The following LIN54 variants were observed in gnomAD, a reference collection of about 807,000 sequenced individuals.
LIN54 encodes the protein lin-54 DREAM MuvB core complex component, also known as protein lin-54 homolog.
In LIN54, 9 loss-of-function variants were observed where a neutral mutation model predicts 78.7. The observed-to-expected ratio is 0.11, with a 90% CI of 0.07 to 0.20. The LOEUF is 0.20. LIN54 is among the 10% of genes least tolerant of loss of function. The pLI is 1.00. For missense variants in LIN54, 573 were observed against 889.9 expected (o/e 0.64, Z 4.53); for synonymous variants, 269 against 318.4 (o/e 0.84, Z 1.65).
chr4:82,986,718 A>G (rs1727180552), intron 1 of LIN54, among the ~76,000 whole-genome samples: 1 of 151,610 alleles, frequency 6.6e-6, no homozygotes, highest in East Asian at 1.9e-4. Context: ...AAAAAAAAAA[A>G]AAAAAAAAGA....
At chr4:83,006,728 C>T (rs1729412349) in intron 1 of LIN54, among the ~76,000 whole-genome samples, 1 of 152,308 alleles carries the variant, frequency 6.6e-6, no homozygotes, top group East Asian at 1.9e-4. Context: ...CTGCACTACT[C>T]CCATTCTATT....
At chr4:82,970,636 A>G (rs1725568104) in intron 3 of LIN54, among the ~76,000 whole-genome samples, 167 bp from the exon 4 acceptor site, 1 of 152,240 alleles carries the variant, frequency 6.6e-6, no homozygotes, top group South Asian at 2.1e-4. Context: ...AGAACTAAAC[A>G]AAACACTACT....
Position 82,984,284 on chromosome 4 carries a change from G to A in LIN54, c.561C>T (p.Thr187=), listed in dbSNP as rs1373920512. Reference sequence around the variant, plus strand: ...GTTTCACCTCTGGCCTCCCTCCAATGGTAACTACTTTAATTTGCTGCGGTG... The same window carrying A: ...GTTTCACCTCTGGCCTCCCTCCAATAGTAACTACTTTAATTTGCTGCGGTG... ...KLPPQQIKVV[T]IGGRPEVKPV... The change falls in exon 2 of 13, where the codon ACC becomes ACT. Residue 187 remains threonine, a synonymous_variant. Transcript: ENST00000340417. 3.7e-6 allele frequency: 6 copies of A among 1,614,000 alleles called. No individual in the cohort carries two copies. Among genetic ancestry groups the A allele is most frequent in the Middle Eastern group, 1.6e-4 (1 of 6,082 alleles).
intron 4 of LIN54, among the ~76,000 whole-genome samples, chr4:82,954,746 C>T (rs1724146767): frequency 6.6e-6 from 1 of 152,092 alleles, no homozygotes; most frequent in South Asian, 2.1e-4. Flanking sequence ...AACAAAGCAC[C>T]AGAAGCAATT....
intron 1 of LIN54, among the ~76,000 whole-genome samples, chr4:82,991,567 A>C (rs1162245936): frequency 6.6e-6 from 1 of 152,178 alleles, no homozygotes; most frequent in Non-Finnish European, 1.5e-5. Context: ...ATGTTGACTA[A>C]AAGTGGTGAC....
chr4:82,932,856 T>G (rs1722083184), intron 11 of LIN54, among the ~76,000 whole-genome samples: 1 of 151,972 alleles, frequency 6.6e-6, no homozygotes, highest in Non-Finnish European at 1.5e-5. Flanking sequence ...AATCTGATGG[T>G]GGGGATGATA....
intron 1 of LIN54, among the ~76,000 whole-genome samples, chr4:83,007,275 A>G (rs150144440): frequency 0.012 from 1,828 of 152,318 alleles, 35 homozygotes; most frequent in African/African-American, 0.041. Flanking sequence ...TAGGCATTGT[A>G]CCCGAGAATG....
rs551289393 is a variant in LIN54 at position 82,969,222 on chromosome 4, C to T, written c.951+1105G>A. Among the ~76,000 whole-genome samples the T allele has an allele frequency of 1.8e-4, 28 of 152,310 alleles. 1 individual carries two copies. In the South Asian group the frequency reaches 3.3e-3, roughly 18 times the overall value. On this transcript the variant is annotated intron_variant, in intron 4 of 12. Coordinates refer to ENST00000340417, the MANE Select transcript of LIN54 (RefSeq NM_194282.4). ...CTCATCTGGAGCTAAGTCCAACCCA[C>T]GTTTAAGGTTAAGACCTTTCAAGAA...
Position 82,926,517 on chromosome 4 carries a change from T to A in LIN54, c.*1585A>T, listed in dbSNP as rs908544985. The stretch of plus-strand genomic sequence containing the variant: ...ACACTTAATACATACAACTATAGAG[T>A]CCTTGTAGGAAATGAAATAATCATA... On this transcript the variant is annotated 3_prime_UTR_variant, in exon 13 of 13. Coordinates refer to ENST00000340417, the MANE Select transcript of LIN54 (RefSeq NM_194282.4). The A allele has an allele frequency of 5.3e-5, 8 of 152,362 alleles. No individual in the cohort carries two copies. Among genetic ancestry groups the A allele is most frequent in the Admixed American group, 2.6e-4 (4 of 15,254 alleles). The allele number at this position is 152,362 out of a possible 1,614,324, so 9.4% of individuals were successfully genotyped here.
intron 4 of LIN54, among the ~76,000 whole-genome samples, chr4:82,969,974 T>C (rs1176186551): frequency 6.6e-6 from 1 of 152,196 alleles, no homozygotes; most frequent in Non-Finnish European, 1.5e-5. Flanking sequence ...CATTTAATAT[T>C]TTATATCATA....
intron 4 of LIN54, among the ~76,000 whole-genome samples, chr4:82,947,879 G>T (rs1389110812): frequency 6.6e-6 from 1 of 152,116 alleles, no homozygotes; most frequent in Non-Finnish European, 1.5e-5. Flanking sequence ...TCACTATATG[G>T]ATAATAATTT....
upstream of LIN54, among the ~76,000 whole-genome samples, chr4:83,012,599 C>T (rs1578688303): frequency 6.6e-6 from 1 of 152,212 alleles, no homozygotes; most frequent in East Asian, 1.9e-4. Context: ...CTTCGCCCCC[C>T]GCAACCCAGC....
chr4:82,989,332 G>A (rs965430344), intron 1 of LIN54, among the ~76,000 whole-genome samples: 14 of 152,044 alleles, frequency 9.2e-5, no homozygotes, highest in South Asian at 6.2e-4. Context: ...TCTTTATGTC[G>A]CTCTTCCTGA....
chr4:82,975,046 T>C (rs1726048567), intron 3 of LIN54, among the ~76,000 whole-genome samples: 1 of 151,996 alleles, frequency 6.6e-6, no homozygotes, highest in Admixed American at 6.6e-5. Flanking sequence ...TTAATGCCAA[T>C]GAACTATACA....
At chr4:82,976,657 A>G (rs111468637) in intron 3 of LIN54, among the ~76,000 whole-genome samples, 2,436 of 152,216 alleles carry the variant, frequency 0.016, 71 homozygotes, top group African/African-American at 0.055. Flanking sequence ...GCAGTGAGCC[A>G]AGATAGCACC....
intron 2 of LIN54, among the ~76,000 whole-genome samples, chr4:82,981,686 A>C (rs1726660651): frequency 6.6e-6 from 1 of 152,100 alleles, no homozygotes. Context: ...ATTCCTTTTT[A>C]TTGTTTTTTT....
chr4:82,931,850 C>G, intron 11 of LIN54, among the ~76,000 whole-genome samples: 1 of 152,080 alleles, frequency 6.6e-6, no homozygotes, highest in East Asian at 1.9e-4. Flanking sequence ...TGGAATCCCT[C>G]CAAAGTCATC....
chr4:82,964,587 C>A (rs1725057317), intron 4 of LIN54, among the ~76,000 whole-genome samples: 1 of 151,822 alleles, frequency 6.6e-6, no homozygotes, highest in South Asian at 2.1e-4. Flanking sequence ...TCATAAAATT[C>A]TTTTTCTATT....
chr4:83,003,588 G>C (rs530881619), intron 1 of LIN54: 2 of 152,114 alleles, frequency 1.3e-5, no homozygotes, highest in Middle Eastern at 3.4e-3. Flanking sequence ...ATGCAGTGGC[G>C]CAATCTTGGC....
Sources: allele counts gnomAD v4.1 joint callset (sites outside exome capture counted in the v4.1 genomes callset), GRCh38; gene constraint gnomAD v4.1.1; transcripts MANE v1.5; gene names NCBI Gene and HGNC (gene_info 2026-07-23, HGNC 2026-07-21).